CCDC181: variants seen among roughly 807,000 people sequenced by gnomAD.
CCDC181 encodes the protein coiled-coil domain containing 181.
CCDC181 carries 35 observed loss-of-function variants against 58.7 expected under a neutral mutation model. The observed-to-expected ratio is 0.60, with a 90% CI of 0.46 to 0.79. The LOEUF (loss-of-function observed/expected upper bound fraction) is 0.79. Among genes scored for constraint, CCDC181 ranks in the 30% least tolerant of loss-of-function variants. The pLI, the probability that CCDC181 is intolerant of heterozygous loss-of-function variation, is 0.00. For synonymous variants in CCDC181, 183 were observed against 197.5 expected, an observed-to-expected ratio of 0.93 and a Z score of 0.62; for missense variants, 517 against 583.9, an observed-to-expected ratio of 0.89 and a Z score of 1.18.
intron 4 of CCDC181, among the ~76,000 whole-genome samples, chr1:169,416,788 G>GT (rs966724335): frequency 5.9e-5 from 9 of 151,820 alleles, no homozygotes; most frequent in Non-Finnish European, 1.2e-4. Flanking sequence ...TTTAGTTTAT[G>GT]TTTTTTCTGC....
At chr1:169,446,521 A>C (rs1292079702) in intron 2 of CCDC181, among the ~76,000 whole-genome samples, 1 of 152,204 alleles carries the variant, frequency 6.6e-6, no homozygotes, top group African/African-American at 2.4e-5. Context: ...CTGGCTTTGA[A>C]TATTTCTTCT....
intron 2 of CCDC181, among the ~76,000 whole-genome samples, chr1:169,449,238 C>A (rs975843075): frequency 1.3e-5 from 2 of 152,098 alleles, no homozygotes; most frequent in Non-Finnish European, 2.9e-5. Flanking sequence ...TAGACATGAT[C>A]AGATACTAGG....
At position 169,455,825 on chromosome 1, in the gene CCDC181, C is replaced by T. The variant is rs181534058; in HGVS notation, c.-24+3972G>A. ...GTACATACATGCAGGTGTGCACTCACACATGCACACTTGTGCACACACACA... is the reference window on the plus strand; with the variant it reads ...GTACATACATGCAGGTGTGCACTCATACATGCACACTTGTGCACACACACA... On this transcript the variant is annotated intron_variant, in intron 2 of 6. Coordinates refer to the CCDC181 transcript ENST00000545005. Among the ~76,000 whole-genome samples the T allele has an allele frequency of 1.4e-4, 21 of 152,288 alleles. No individual in the cohort carries two copies. The East Asian group carries it at 3.9e-3, about 28-fold the overall frequency.
upstream of CCDC181, among the ~76,000 whole-genome samples, chr1:169,432,444 C>T (rs998665764): frequency 6.6e-6 from 1 of 152,062 alleles, no homozygotes; most frequent in Non-Finnish European, 1.5e-5. Context: ...TGGCTGAAAA[C>T]TTCCCAAGTT....
rs745344450 is a variant in CCDC181, at chr1:169,421,936, T to C, written c.495A>G (p.Pro165=). 1.1e-5 allele frequency: 18 copies of C among 1,613,918 alleles called. No homozygotes were observed. The highest frequency in any genetic ancestry group is 1.5e-5 in the Non-Finnish European group (18 of 1,179,878). The change falls in exon 3 of 6, where the codon CCA becomes CCG. Residue 165 remains proline (P), a synonymous_variant. Coordinates refer to ENST00000367806, the MANE Select transcript of CCDC181 (RefSeq NM_001300969.2). ...KDQLVDLEVP[P]LEDTTTFKNY... ...TTTTAAAAGTAGTAGTGTCTTCTAG[T>C]GGAGGAACTTCCAAATCAACTAACT...
chr1:169,454,678 A>G (rs1657637477), intron 2 of CCDC181: 1 of 152,066 alleles, frequency 6.6e-6, no homozygotes, highest in African/African-American at 2.4e-5. Context: ...TTTGATACAT[A>G]CAAAAGAATA....
At chr1:169,398,421 A>G (rs1474377576) in intron 4 of CCDC181, among the ~76,000 whole-genome samples, 2 of 152,238 alleles carry the variant, frequency 1.3e-5, no homozygotes. Flanking sequence ...ATTAAATACA[A>G]TTTTAAAGTT....
intron 4 of CCDC181, among the ~76,000 whole-genome samples, chr1:169,400,353 G>T (rs919077727): frequency 6.6e-6 from 1 of 151,988 alleles, no homozygotes; most frequent in African/African-American, 2.4e-5. Flanking sequence ...CTGCCTACAA[G>T]AAAAAAATTC....
intron 1 of CCDC181, among the ~76,000 whole-genome samples, 179 bp from the exon 2 acceptor site, chr1:169,425,129 T>C (rs1416017651): frequency 6.6e-6 from 1 of 152,024 alleles, no homozygotes; most frequent in African/African-American, 2.4e-5. Flanking sequence ...GACATTTCCA[T>C]AGGTAAACAT....
intron 2 of CCDC181, among the ~76,000 whole-genome samples, chr1:169,442,035 C>T (rs150824900): frequency 2.2e-4 from 33 of 152,184 alleles, no homozygotes; most frequent in African/African-American, 7.9e-4. Context: ...TTGGGCAACT[C>T]TCTACATTTT....
At chr1:169,404,136 C>G (rs1014017197) in intron 4 of CCDC181, among the ~76,000 whole-genome samples, 1 of 152,146 alleles carries the variant, frequency 6.6e-6, no homozygotes, top group African/African-American at 2.4e-5. Context: ...CCTGAATAGA[C>G]GAATAACAGG....
At position 169,424,906 on chromosome 1, in the gene CCDC181, C is replaced by G; in HGVS notation, c.22G>C (p.Asp8His). The change falls in exon 2 of 6, where the codon GAT becomes CAT. Residue 8 changes from aspartate to histidine, a missense_variant. Transcript: ENST00000367806. The stretch of plus-strand genomic sequence containing the variant: ...TCGTATTCTTCACTTTTCTTTGAAT[C>G]AGTATCTTTATTTTCATTCATTTTC... MNENKDTDSKKSEEYEDD... is the reference protein window; with the variant it reads MNENKDTHSKKSEEYEDD... The G allele has an allele frequency of 6.3e-7, 1 of 1,591,596 alleles. No homozygotes were observed. Among genetic ancestry groups the G allele is most frequent in the South Asian group, 1.1e-5 (1 of 90,262 alleles).
intron 1 of CCDC181, among the ~76,000 whole-genome samples, chr1:169,426,256 C>T (rs1656705277): frequency 6.6e-6 from 1 of 152,128 alleles, no homozygotes; most frequent in African/African-American, 2.4e-5. Context: ...GATATTCAAC[C>T]CCTTCAATTC....
At chr1:169,407,086 A>C (rs1655705428) in intron 4 of CCDC181, among the ~76,000 whole-genome samples, 1 of 151,954 alleles carries the variant, frequency 6.6e-6, no homozygotes, top group African/African-American at 2.4e-5. Flanking sequence ...CCTTTGAAGA[A>C]ACAGTGGCTG....
chr1:169,431,395 A>G (rs1656915180), upstream of CCDC181, among the ~76,000 whole-genome samples: 1 of 152,160 alleles, frequency 6.6e-6, no homozygotes, highest in Admixed American at 6.5e-5. Context: ...TGTCCATCAA[A>G]TGATGAATGG....
At chr1:169,447,261 C>T (rs1157429550) in intron 2 of CCDC181, among the ~76,000 whole-genome samples, 1 of 152,030 alleles carries the variant, frequency 6.6e-6, no homozygotes, top group Admixed American at 6.6e-5. Context: ...TACAGGTACC[C>T]ACCATCACAC....
intron 2 of CCDC181, among the ~76,000 whole-genome samples, chr1:169,439,558 G>A (rs1280954719): frequency 6.6e-6 from 1 of 152,120 alleles, no homozygotes; most frequent in Non-Finnish European, 1.5e-5. Flanking sequence ...GGGCGAGCAC[G>A]TTTGGTCTCA....
chr1:169,411,473 G>A (rs1655959410), intron 4 of CCDC181, among the ~76,000 whole-genome samples: 1 of 151,898 alleles, frequency 6.6e-6, no homozygotes, highest in African/African-American at 2.4e-5. Flanking sequence ...AGAGGAGCTG[G>A]TACCATTACT....
intron 4 of CCDC181, among the ~76,000 whole-genome samples, chr1:169,403,200 C>A (rs1168104031): frequency 6.6e-6 from 1 of 152,174 alleles, no homozygotes; most frequent in Non-Finnish European, 1.5e-5. Context: ...TAGACTCCCA[C>A]ACATTAATAA....
Sources: allele counts gnomAD v4.1 joint callset (sites outside exome capture counted in the v4.1 genomes callset), GRCh38; gene constraint gnomAD v4.1.1; transcripts MANE v1.5; gene names NCBI Gene and HGNC (gene_info 2026-07-23, HGNC 2026-07-21).